THOC7: variants seen among roughly 807,000 people sequenced by gnomAD.
THOC7 encodes NIF3L1-binding protein 1.
In THOC7, 22 loss-of-function variants were observed where a neutral mutation model predicts 33.1. The ratio of observed to expected loss-of-function variants is 0.66; its 90% CI spans 0.47 to 0.95. THOC7 has a LOEUF of 0.95. THOC7 is among the 40% of genes least tolerant of loss of function. The pLI is 0.00. For missense variants in THOC7, 184 were observed against 245.3 expected, an observed-to-expected ratio of 0.75 and a Z score of 1.67; for synonymous variants, 77 against 76.8, an observed-to-expected ratio of 1.00 and a Z score of -0.01.
chr3:63,834,040 C>G lies in THOC7; in HGVS notation c.*92G>C. The G allele has an allele frequency of 7.7e-7, 1 of 1,306,342 alleles. No homozygotes were observed. Among genetic ancestry groups the G allele is most frequent in the South Asian group, 1.4e-5 (1 of 73,682 alleles). 80.9% of individuals were successfully genotyped at this position (1,306,342 alleles called of 1,614,324 possible). On this transcript the variant is annotated 3_prime_UTR_variant, in exon 8 of 8. Transcript: ENST00000295899. ...AAAACAGAGTATTTTACTGCCAAAA[C>G]TTTAAATATCTCAAGAGCATACCAC... is the stretch of plus-strand genomic sequence containing the variant.
intron 6 of THOC7, 44 bp from the exon 7 acceptor site, chr3:63,835,267 T>G (rs540211076): frequency 1.9e-6 from 3 of 1,612,564 alleles, no homozygotes; most frequent in Non-Finnish European, 2.5e-6. Context: ...CCTGTATATA[T>G]AGATATATAG....
chr3:63,837,874 G>T, intron 4 of THOC7, 102 bp downstream of exon 4: 1 of 986,390 alleles, frequency 1.0e-6, no homozygotes, highest in Non-Finnish European at 1.5e-6. Context: ...TTTTAATCCA[G>T]GTTGATTCAG....
intron 1 of THOC7, among the ~76,000 whole-genome samples, chr3:63,853,509 T>C (rs61456044): frequency 7.8e-4 from 119 of 152,328 alleles, no homozygotes; most frequent in African/African-American, 2.7e-3. Flanking sequence ...AACTATCTAC[T>C]TTATAGAAAT....
Position 63,834,081 on chromosome 3 carries a change from T to C in THOC7, c.*51A>G. The C allele has an allele frequency of 1.3e-6, 2 of 1,582,270 alleles. No individual in the cohort carries two copies. The highest frequency in any genetic ancestry group is 1.7e-6 in the Non-Finnish European group (2 of 1,152,698). On this transcript the variant is annotated 3_prime_UTR_variant, in exon 8 of 8. Transcript: ENST00000295899. Reference sequence around the variant, plus strand: ...AGCATACCACATTTTAAACACATTATGGTCATGTAGCTATTTCAATATTCC... The same window carrying C: ...AGCATACCACATTTTAAACACATTACGGTCATGTAGCTATTTCAATATTCC...
Position 63,858,267 on chromosome 3 carries a change from A to G in THOC7, c.19+5505T>C, listed in dbSNP as rs577217919. The stretch of plus-strand genomic sequence containing the variant: ...TGTTTCATCCTTGAAACAACTCTAC[A>G]AAGTGTGTACTATTATCTTCCTTTC... On this transcript the variant is annotated intron_variant, in intron 1 of 7. Coordinates refer to ENST00000295899, the MANE Select transcript of THOC7 (RefSeq NM_025075.4). 7.2e-5 allele frequency among the ~76,000 whole-genome samples: 11 copies of G among 152,318 alleles called. No homozygotes were observed. The East Asian group carries it at 2.1e-3, about 29-fold the overall frequency.
chr3:63,857,461 T>A (rs975652311), intron 1 of THOC7, among the ~76,000 whole-genome samples: 6 of 152,176 alleles, frequency 3.9e-5, no homozygotes, highest in Non-Finnish European at 5.9e-5. Flanking sequence ...GTAAAAAAAA[T>A]GTTCATGCAG....
rs148826668 is a variant in THOC7 at position 63,860,241 on chromosome 3, T to C, written c.19+3531A>G. ...AAATTCTGTAGTATAGATCATGTCT[T>C]GCTGTGTTGCTTAGGATGGTCGCAA... On this transcript the variant is annotated intron_variant, in intron 1 of 7. Coordinates refer to ENST00000295899, the MANE Select transcript of THOC7 (RefSeq NM_025075.4). Among the ~76,000 whole-genome samples the C allele has an allele frequency of 2.0e-3, 308 of 151,286 alleles. 1 individual carries two copies. The highest frequency in any genetic ancestry group is 7.1e-3 in the African/African-American group (290 of 41,126).
At chr3:63,859,522 T>C (rs1335923356) in intron 1 of THOC7, among the ~76,000 whole-genome samples, 2 of 152,254 alleles carry the variant, frequency 1.3e-5, no homozygotes, top group Non-Finnish European at 2.9e-5. Flanking sequence ...AATACTTTCC[T>C]GGGCTCTTCA....
chr3:63,850,770 G>C (rs1702004971), intron 1 of THOC7, among the ~76,000 whole-genome samples: 1 of 151,654 alleles, frequency 6.6e-6, no homozygotes, highest in African/African-American at 2.4e-5. Context: ...TATTTTAATA[G>C]AGATGGAGTT....
chr3:63,855,627 T>A (rs1334825545), intron 1 of THOC7, among the ~76,000 whole-genome samples: 1 of 152,254 alleles, frequency 6.6e-6, no homozygotes, highest in African/African-American at 2.4e-5. Context: ...TCTTTCCCTA[T>A]ATTTGCCATT....
intron 5 of THOC7, 48 bp from the exon 6 acceptor site, chr3:63,835,438 G>C: frequency 6.4e-7 from 1 of 1,552,772 alleles, no homozygotes; most frequent in South Asian, 1.2e-5. Flanking sequence ...GGGGAGAAGA[G>C]TTTACAATTA....
Position 63,853,832 on chromosome 3 carries a change from C to T in THOC7, c.19+9940G>A, listed in dbSNP as rs551632080. Among the ~76,000 whole-genome samples the T allele has an allele frequency of 2.0e-3, 304 of 150,914 alleles. 1 individual carries two copies. Among genetic ancestry groups the T allele is most frequent in the African/African-American group, 6.9e-3 (283 of 40,992 alleles). Reference sequence around the variant, plus strand: ...CTGAGGCAGGAGAATGGCGTGAACCCGGGAGGTGGAGCTTGCAGTGAGCCA... The same window carrying T: ...CTGAGGCAGGAGAATGGCGTGAACCTGGGAGGTGGAGCTTGCAGTGAGCCA... On this transcript the variant is annotated intron_variant, in intron 1 of 7. Transcript: ENST00000295899.
chr3:63,863,305 T>A, intron 1 of THOC7: 1 of 359,980 alleles, frequency 2.8e-6, no homozygotes, highest in Non-Finnish European at 3.9e-6. Context: ...GAGCTCCCAC[T>A]CCCTCCCAGA....
At chr3:63,836,265 A>G (rs761078191) in intron 5 of THOC7, 36 bp downstream of exon 5, 92 of 1,585,028 alleles carry the variant, frequency 5.8e-5, no homozygotes, top group Middle Eastern at 3.4e-4. Flanking sequence ...TTATGTATAA[A>G]GGTTAGTTCC....
intron 2 of THOC7, among the ~76,000 whole-genome samples, chr3:63,839,328 A>G (rs1480109785): frequency 6.6e-6 from 1 of 152,236 alleles, no homozygotes; most frequent in Admixed American, 6.5e-5. Context: ...ATATACATAC[A>G]TAGCAGCAGC....
chr3:63,842,913 C>T (rs1234999181), intron 1 of THOC7, among the ~76,000 whole-genome samples: 4 of 151,998 alleles, frequency 2.6e-5, no homozygotes, highest in African/African-American at 9.7e-5. Flanking sequence ...TCCCAAGTAG[C>T]TGTGACTACA....
intron 1 of THOC7, 84 bp downstream of exon 1, chr3:63,863,688 G>C: frequency 8.1e-7 from 1 of 1,239,234 alleles, no homozygotes; most frequent in Non-Finnish European, 1.0e-6. Flanking sequence ...AGGGGTTCCC[G>C]GAAGCGGGCC....
chr3:63,842,584 G>T (rs982194967), intron 1 of THOC7, among the ~76,000 whole-genome samples: 1 of 152,150 alleles, frequency 6.6e-6, no homozygotes, highest in African/African-American at 2.4e-5. Context: ...TATTCTAAGT[G>T]AAGTAACTCA....
At chr3:63,844,088 T>C (rs74471915) in intron 1 of THOC7, among the ~76,000 whole-genome samples, 2 of 152,230 alleles carry the variant, frequency 1.3e-5, no homozygotes, top group African/African-American at 4.8e-5. Context: ...CTAGGTGAAA[T>C]AAGGCAGGCA....
Sources: allele counts gnomAD v4.1 joint callset (sites outside exome capture counted in the v4.1 genomes callset), GRCh38; gene constraint gnomAD v4.1.1; transcripts MANE v1.5; gene names NCBI Gene and HGNC (gene_info 2026-07-23, HGNC 2026-07-21).